The following SLC6A4 variants were observed in gnomAD, a reference collection of about 807,000 sequenced individuals.
SLC6A4 encodes solute carrier family 6 member 4, also known as sodium-dependent serotonin transporter.
Under a neutral mutation model 73.4 loss-of-function variants are expected in SLC6A4, and 22 were observed. That is an observed-to-expected ratio of 0.30 (90% CI 0.21 to 0.43). The LOEUF (loss-of-function observed/expected upper bound fraction) is 0.43. Ranked by LOEUF, SLC6A4 falls within the 20% of genes least tolerant of loss-of-function variation. The pLI, the probability that SLC6A4 is intolerant of heterozygous loss-of-function variation, is 1.00. For synonymous variants in SLC6A4, 270 were observed against 315.5 expected (o/e 0.86, Z 1.53); for missense variants, 593 against 808.5 (o/e 0.73, Z 3.23).
chr17:30,225,969 C>G (rs1906913899), intron 1 of SLC6A4, among the ~76,000 whole-genome samples: 1 of 152,204 alleles, frequency 6.6e-6, no homozygotes, highest in Admixed American at 6.5e-5. Context: ...CGTACCTGAA[C>G]AAGCATGTAA....
At chr17:30,230,645 G>A (rs1292422142) in intron 1 of SLC6A4, among the ~76,000 whole-genome samples, 1 of 152,130 alleles carries the variant, frequency 6.6e-6, no homozygotes, top group Non-Finnish European at 1.5e-5. Flanking sequence ...GGGGTTTGAA[G>A]TGGAACTACA....
At chr17:30,209,471 A>C (rs1429703838) in intron 11 of SLC6A4, among the ~76,000 whole-genome samples, 1 of 152,062 alleles carries the variant, frequency 6.6e-6, no homozygotes, top group Non-Finnish European at 1.5e-5. Context: ...CAGGAGTTTG[A>C]GACCAGCCTG....
intron 5 of SLC6A4, among the ~76,000 whole-genome samples, chr17:30,217,683 G>A (rs1308598682): frequency 5.3e-5 from 8 of 152,178 alleles, no homozygotes; most frequent in Admixed American, 5.2e-4. Flanking sequence ...TGAAATTCCA[G>A]CATTAAAGAA....
At chr17:30,222,986 G>C in intron 1 of SLC6A4, 71 bp from the exon 2 acceptor site, 1 of 483,430 alleles carries the variant, frequency 2.1e-6, no homozygotes, top group Admixed American at 2.4e-5. Context: ...GCCTCCACTG[G>C]GAGGGCCTGG....
intron 12 of SLC6A4, 82 bp downstream of exon 12, chr17:30,209,061 C>A: frequency 1.0e-6 from 1 of 974,532 alleles, no homozygotes. Context: ...CCCTCACAGC[C>A]TTTTTTGGTG....
rs140484986 is a variant in SLC6A4 at position 30,221,765 on chromosome 17, G to A, written c.194C>T (p.Ala65Val). The A allele has an allele frequency of 1.8e-5, 29 of 1,614,034 alleles. No individual in the cohort carries two copies. The highest frequency in any genetic ancestry group is 2.4e-5 in the Non-Finnish European group (28 of 1,180,020). The change falls in exon 3 of 15, where the codon GCG becomes GTG. Residue 65 changes from alanine (A) to valine (V), a missense_variant. Ala to Val is a moderately conservative substitution (Grantham distance 64). Coordinates refer to ENST00000650711, the MANE Select transcript of SLC6A4 (RefSeq NM_001045.6). The stretch of plus-strand genomic sequence containing the variant: ...CTCAGCCACTAGGGTGGTGGTGGTC[G>A]CTGGGATAGAGTGCCGTGTGTCATC... ...AGDDTRHSIP[A>V]TTTTLVAELH...
At chr17:30,210,989 T>G (rs1454935883) in intron 10 of SLC6A4, among the ~76,000 whole-genome samples, 1 of 152,110 alleles carries the variant, frequency 6.6e-6, no homozygotes, top group Non-Finnish European at 1.5e-5. Context: ...ACTGAACCCT[T>G]GGCAAAGCAG....
At chr17:30,216,858 TG>T (rs1906594246) in intron 6 of SLC6A4, among the ~76,000 whole-genome samples, 2 of 151,444 alleles carry the variant, frequency 1.3e-5, no homozygotes, top group African/African-American at 4.8e-5. Flanking sequence ...TTTGTTTGTT[TG>T]TTTGTTTGTT....
intron 1 of SLC6A4, among the ~76,000 whole-genome samples, chr17:30,225,277 C>T (rs1286550232): frequency 4.6e-5 from 7 of 152,160 alleles, no homozygotes; most frequent in Non-Finnish European, 8.8e-5. Flanking sequence ...AAACTCCTCT[C>T]GGTGACTAAT....
At position 30,222,751 on chromosome 17, in the gene SLC6A4, A is replaced by G. The variant is rs936993664; in HGVS notation, c.-124+68T>C. On this transcript the variant is annotated intron_variant, in intron 2 of 14. Coordinates refer to ENST00000650711, the MANE Select transcript of SLC6A4 (RefSeq NM_001045.6). ...CCGGCTGTGTCCAGTCTATCTGCAC[A>G]TGGCCTTTCTGCGTTCCCATTATGC... 11 of 1,266,726 alleles carry G rather than the reference A, an allele frequency of 8.7e-6. No individual in the cohort carries two copies. In the Admixed American group the frequency reaches 1.4e-4, roughly 16 times the overall value. 78.5% of individuals were successfully genotyped at this position (1,266,726 alleles called of 1,614,324 possible). A position where few individuals can be genotyped will look rare whatever the true frequency, so the allele number is the denominator to read the frequency against.
intron 9 of SLC6A4, among the ~76,000 whole-genome samples, chr17:30,212,471 T>C (rs1906417116): frequency 6.6e-6 from 1 of 152,200 alleles, no homozygotes; most frequent in Admixed American, 6.5e-5. Context: ...ACTGTAGCCT[T>C]GACCTCCCAG....
intron 14 of SLC6A4, among the ~76,000 whole-genome samples, chr17:30,201,309 G>A (rs1163401448): frequency 1.1e-4 from 16 of 152,186 alleles, no homozygotes; most frequent in Admixed American, 9.2e-4. Flanking sequence ...CGACAGGGGT[G>A]TATCACACTG....
In SLC6A4 at chr17:30,203,266, A is replaced by G. The variant is rs1906089513; in HGVS notation, c.1724T>C (p.Ile575Thr). The change falls in exon 14 of 15, where the codon ATC becomes ACC. Residue 575 changes from isoleucine to threonine, a missense_variant. By Grantham distance (89) the Ile-to-Thr change is moderately conservative (BLOSUM62 -1). Coordinates refer to ENST00000650711, the MANE Select transcript of SLC6A4 (RefSeq NM_001045.6). ...GGTTCCTATGCAGTAACCCAAGATG[A>G]TACTCCAGTAAGGATAATTATATTG... Reference protein sequence around the residue: ...LFQYNYPYWSIILGYCIGTSS... With the variant: ...LFQYNYPYWSTILGYCIGTSS... 2 of 1,613,576 alleles carry G rather than the reference A, an allele frequency of 1.2e-6. No homozygotes were observed. Among genetic ancestry groups the G allele is most frequent in the African/African-American group, 2.7e-5 (2 of 74,918 alleles).
Position 30,230,116 on chromosome 17 carries a change from AGAGGAAGAG to A in SLC6A4, c.-221+5488_-221+5496del, listed in dbSNP as rs1207988547. ...AAGAAGAGGAGGAAGAGGAAGAGGA[AGAGGAAGAG>A]GAGGAGGAGGAGGAGGAGGAGGAGG... On this transcript the variant is annotated intron_variant, in intron 1 of 14. Coordinates refer to ENST00000650711, the MANE Select transcript of SLC6A4 (RefSeq NM_001045.6). Among the ~76,000 whole-genome samples the A allele has an allele frequency of 6.6e-3, 888 of 133,960 alleles. 13 individuals are homozygous for A. Among genetic ancestry groups the A allele is most frequent in the African/African-American group, 0.025 (828 of 32,990 alleles). 87.9% of individuals were successfully genotyped at this position (133,960 alleles called of 152,430 possible).
At chr17:30,225,077 G>A (rs1378641918) in intron 1 of SLC6A4, among the ~76,000 whole-genome samples, 1 of 152,170 alleles carries the variant, frequency 6.6e-6, no homozygotes, top group Non-Finnish European at 1.5e-5. Context: ...GCATCCCTCA[G>A]ACAACTCATG....
intron 1 of SLC6A4, among the ~76,000 whole-genome samples, chr17:30,234,586 G>GC (rs1907214875): frequency 6.6e-6 from 1 of 152,168 alleles, no homozygotes; most frequent in South Asian, 2.1e-4. Context: ...CACTGACGCT[G>GC]CCCACAGTTC....
At chr17:30,198,798 C>T (rs1905941995) in intron 14 of SLC6A4, among the ~76,000 whole-genome samples, 2 of 152,090 alleles carry the variant, frequency 1.3e-5, no homozygotes, top group Admixed American at 1.3e-4. Flanking sequence ...GATGAGCCTT[C>T]AACAGAATCT....
At chr17:30,207,136 T>C (rs1303191205) in intron 13 of SLC6A4, among the ~76,000 whole-genome samples, 1 of 152,138 alleles carries the variant, frequency 6.6e-6, no homozygotes, top group African/African-American at 2.4e-5. Context: ...TCCATAAATG[T>C]TATGCATCAC....
intron 12 of SLC6A4, among the ~76,000 whole-genome samples, chr17:30,208,205 G>A (rs770556822): frequency 5.3e-5 from 8 of 152,100 alleles, no homozygotes; most frequent in Non-Finnish European, 7.4e-5. Context: ...GTGCCACACC[G>A]CCTTCCTGAG....
Sources: allele counts gnomAD v4.1 joint callset (sites outside exome capture counted in the v4.1 genomes callset), GRCh38; gene constraint gnomAD v4.1.1; transcripts MANE v1.5; gene names NCBI Gene and HGNC (gene_info 2026-07-23, HGNC 2026-07-21).